The following TAS1R2 variants were observed in gnomAD, a reference collection of about 807,000 sequenced individuals.
TAS1R2 encodes taste 1 receptor member 2.
A neutral mutation model predicts 49.3 loss-of-function variants in TAS1R2; 47 were observed. That is an observed-to-expected ratio of 0.95 (90% CI 0.75 to 1.22). TAS1R2 has a LOEUF of 1.22. TAS1R2 is among the 50% of genes most tolerant of loss of function. The probability of loss-of-function intolerance (pLI) is 0.00; values close to 1 mark genes in which losing one functional copy is unlikely to be tolerated. For missense variants in TAS1R2, 1,155 were observed against 1,122.1 expected (o/e 1.03, Z -0.42); for synonymous variants, 479 against 467.9 (o/e 1.02, Z -0.31).
chr1:18,846,690 T>C (rs1933926514), intron 4 of TAS1R2, among the ~76,000 whole-genome samples: 1 of 152,196 alleles, frequency 6.6e-6, no homozygotes, highest in South Asian at 2.1e-4. Context: ...CTTAATCTCA[T>C]ATGAGTGATG....
At chr1:18,840,359 A>G in exon 6 of TAS1R2, 1 of 1,614,120 alleles carries the variant, frequency 6.2e-7, no homozygotes, top group Non-Finnish European at 8.5e-7. Flanking sequence ...GTGCCTCCAG[A>G]ATATCACCAG....
rs1307409350 is a variant in TAS1R2 at position 18,854,458 on chromosome 1, A to G, written c.1012T>C (p.Phe338Leu). ...CCAGCCTGTGGGCCCCACTCGCGGA[A>G]CTCACTGAAGCCCGGGATGGGCACG... is the stretch of plus-strand genomic sequence containing the variant. The change falls in exon 3 of 6, where the codon TTC (phenylalanine) becomes CTC (leucine). Residue 338 changes from phenylalanine (F) to leucine (L), a missense_variant. Transcript: ENST00000375371. This position sits in a 1 kb window ranked among gnomAD's most constrained non-coding sequence, Gnocchi z 4.9. The G allele has an allele frequency of 1.9e-6, 3 of 1,614,118 alleles. No homozygotes were observed. Among genetic ancestry groups the G allele is most frequent in the East Asian group, 2.2e-5 (1 of 44,882 alleles).
At chr1:18,858,965 A>G (rs928764339) in intron 1 of TAS1R2, among the ~76,000 whole-genome samples, 2 of 152,184 alleles carry the variant, frequency 1.3e-5, no homozygotes, top group African/African-American at 4.8e-5. Context: ...GCAGATGCAC[A>G]CAGCCCCCAC....
At chr1:18,850,634 A>C (rs1157539456) in intron 3 of TAS1R2, among the ~76,000 whole-genome samples, 1 of 152,256 alleles carries the variant, frequency 6.6e-6, no homozygotes, top group Non-Finnish European at 1.5e-5. Flanking sequence ...TGACCTGCCC[A>C]AGCAGGGTTG....
Position 18,859,568 on chromosome 1 carries a change from C to T in TAS1R2, c.93G>A (p.Gly31=), listed in dbSNP as rs146125423. Reference sequence around the variant, plus strand: ...AGAAGAGGCCACCCAGGAGGTAATCCCCAGGCAGGTAGAAGTCCGAGTTCT... The same window carrying T: ...AGAAGAGGCCACCCAGGAGGTAATCTCCAGGCAGGTAGAAGTCCGAGTTCT... The change falls in exon 1 of 6, where the codon GGG becomes GGA. Residue 31 remains glycine (G), a synonymous_variant. Transcript: ENST00000375371. 2.4e-5 allele frequency: 39 copies of T among 1,614,160 alleles called. No homozygotes were observed. In the African/African-American group the frequency reaches 5.1e-4, roughly 21 times the overall value.
chr1:18,858,867 T>G (rs767368137), intron 1 of TAS1R2, among the ~76,000 whole-genome samples: 22 of 152,228 alleles, frequency 1.4e-4, no homozygotes, highest in Non-Finnish European at 3.2e-4. Context: ...TCTTCCTTTC[T>G]CCTTGTCTCC....
chr1:18,853,569 G>A (rs1034069928), intron 3 of TAS1R2, among the ~76,000 whole-genome samples: 1 of 152,196 alleles, frequency 6.6e-6, no homozygotes, highest in African/African-American at 2.4e-5. Context: ...GAACAAAGAG[G>A]GGAGTTGGAC....
chr1:18,859,474 C>CT lies in TAS1R2; in HGVS notation c.182+4dup, dbSNP rs1557601393. The CT allele has an allele frequency of 1.2e-6, 2 of 1,613,998 alleles. No individual in the cohort carries two copies. Among genetic ancestry groups the CT allele is most frequent in the South Asian group, 2.2e-5 (2 of 91,068 alleles). ...GCCACTTCCAGCCCCACACTGGAGA[C>CT]TCACTCCTTGCACATGGGCACCTGC... On this transcript the variant is annotated splice_donor_region_variant and intron_variant, in intron 1 of 5. Coordinates refer to ENST00000375371, the Ensembl canonical transcript of TAS1R2.
At chr1:18,839,649 G>T in exon 6 of TAS1R2, 1 of 1,614,198 alleles carries the variant, frequency 6.2e-7, no homozygotes, top group Non-Finnish European at 8.5e-7. Context: ...AAGTAGGCGG[G>T]CGTGTTGCGC....
At chr1:18,840,467 CAGG>C (rs1184870735) in exon 6 of TAS1R2, 1 of 1,614,186 alleles carries the variant, frequency 6.2e-7, no homozygotes, top group African/African-American at 1.3e-5. Context: ...CCGCTTGAAG[CAGG>C]AGGTCTCACT....
intron 4 of TAS1R2, among the ~76,000 whole-genome samples, chr1:18,845,337 G>C (rs902731903): frequency 2.0e-5 from 3 of 152,156 alleles, no homozygotes; most frequent in African/African-American, 4.8e-5. Flanking sequence ...TGCAAGGTGG[G>C]GACACTGCCC....
At chr1:18,849,973 C>A (rs755956867) in intron 3 of TAS1R2, among the ~76,000 whole-genome samples, 36 of 152,320 alleles carry the variant, frequency 2.4e-4, no homozygotes, top group Non-Finnish European at 3.7e-4. Flanking sequence ...TCACCTCAGT[C>A]ATCCCTCTTG....
intron 3 of TAS1R2, among the ~76,000 whole-genome samples, chr1:18,852,303 G>C (rs577682960): frequency 6.6e-6 from 1 of 152,180 alleles, no homozygotes; most frequent in South Asian, 2.1e-4. Flanking sequence ...CCCTTCATGA[G>C]GGGGTCCATT....
Position 18,841,677 on chromosome 1 carries a change from G to A in TAS1R2, c.1591+52C>T, listed in dbSNP as rs1933826173. The A allele has an allele frequency of 2.5e-6, 4 of 1,582,086 alleles. No homozygotes were observed. The South Asian group carries it at 3.4e-5, about 13-fold the overall frequency. ...ACAAGCCCTAGAGACTCCAGGGGCA[G>A]GGCAGGGGCAGGGCAGGGGCAGGGC... On this transcript the variant is annotated intron_variant, in intron 5 of 5. Coordinates refer to ENST00000375371, the Ensembl canonical transcript of TAS1R2.
chr1:18,840,352 C>G, exon 6 of TAS1R2: 1 of 1,614,134 alleles, frequency 6.2e-7, no homozygotes, highest in Non-Finnish European at 8.5e-7. Context: ...TCTGGAAGTG[C>G]CTCCAGAATA....
intron 5 of TAS1R2, 91 bp from the exon 6 acceptor site, chr1:18,840,618 G>A: frequency 7.1e-7 from 1 of 1,406,356 alleles, no homozygotes; most frequent in Non-Finnish European, 9.9e-7. Flanking sequence ...CTCCAGGGAT[G>A]AAGAGAGAGC....
At chr1:18,839,940 T>A in exon 6 of TAS1R2, 1 of 1,614,120 alleles carries the variant, frequency 6.2e-7, no homozygotes, top group Non-Finnish European at 8.5e-7. Flanking sequence ...AACAGCAGGC[T>A]GTTGCGGTAG....
rs117233723 is a variant in TAS1R2 at position 18,855,996 on chromosome 1, C to T, written c.484-1010G>A. Among the ~76,000 whole-genome samples, 273 of 152,316 alleles carry T rather than the reference C, an allele frequency of 1.8e-3. 6 individuals carry two copies. In the East Asian group the frequency reaches 0.035, roughly 20 times the overall value. On this transcript the variant is annotated intron_variant, in intron 2 of 5. Transcript: ENST00000375371. The stretch of plus-strand genomic sequence containing the variant: ...GCAACATTACCCATCCACCTTTCCC[C>T]TATAGTCTATGCTTAACATGGCAGC...
rs1479435479 is a variant in TAS1R2, at chr1:18,854,451, T to A, written c.1019A>T (p.Glu340Val). The change falls in exon 3 of 6, where the codon GAG (glutamate) becomes GTG (valine). Residue 340 changes from glutamate (E) to valine (V), a missense_variant. Glu to Val is a moderately radical substitution (Grantham distance 121). Coordinates refer to ENST00000375371, the Ensembl canonical transcript of TAS1R2. The surrounding 1 kb of genome is among the most constrained non-coding windows in gnomAD (Gnocchi z 4.9). ...TGGCGGCCCAGCCTGTGGGCCCCAC[T>A]CGCGGAACTCACTGAAGCCCGGGAT... 1 of 1,614,182 alleles carries A rather than the reference T, an allele frequency of 6.2e-7. No individual in the cohort carries two copies.
Sources: allele counts gnomAD v4.1 joint callset (sites outside exome capture counted in the v4.1 genomes callset), GRCh38; gene constraint gnomAD v4.1.1; non-coding constraint Gnocchi (gnomAD v3.1); transcripts MANE v1.5; gene names NCBI Gene and HGNC (gene_info 2026-07-23, HGNC 2026-07-21).